SLC60A1: variants seen among roughly 807,000 people sequenced by gnomAD.
SLC60A1 encodes major facilitator superfamily domain containing 4.
the SLC60A1 span, chr1:205,586,258 G>A: frequency 3.8e-3 from 6,130 of 1,601,176 alleles, 187 homozygotes; most frequent in African/African-American, 0.068. Flanking sequence ...AGGAGAAGCC[G>A]CCTCCTCCTG....
At chr1:205,593,824 TTG>T in the SLC60A1 span, among the ~76,000 whole-genome samples, 1 of 152,230 alleles carries the variant, frequency 6.6e-6, no homozygotes, top group African/African-American at 2.4e-5. Flanking sequence ...CCTTCTGAGC[TTG>T]TGAGACCATT....
chr1:205,585,981 T>C, the SLC60A1 span: 4 of 1,513,810 alleles, frequency 2.6e-6, no homozygotes, highest in Non-Finnish European at 3.5e-6. The surrounding 1 kb of genome is among the most constrained non-coding windows in gnomAD (Gnocchi z 4.2). Flanking sequence ...TTTGTGAGGG[T>C]CATTGTCTGG....
the SLC60A1 span, chr1:205,569,049 G>T: frequency 3.6e-6 from 5 of 1,380,058 alleles, no homozygotes; most frequent in Non-Finnish European, 3.8e-6. Flanking sequence ...GACCAGATCC[G>T]CGAGCCCGTC....
At chr1:205,596,083 G>C in the SLC60A1 span, among the ~76,000 whole-genome samples, 1 of 152,200 alleles carries the variant, frequency 6.6e-6, no homozygotes, top group Admixed American at 6.5e-5. Flanking sequence ...AAGTGAGACT[G>C]AACGAGCTAG....
the SLC60A1 span, chr1:205,602,913 A>AACTT: frequency 6.6e-6 from 1 of 152,210 alleles, no homozygotes; most frequent in Non-Finnish European, 1.5e-5. Flanking sequence ...AAAATATTTA[A>AACTT]ACTTATTAAG....
the SLC60A1 span, among the ~76,000 whole-genome samples, chr1:205,573,507 C>A: frequency 1.3e-5 from 2 of 151,936 alleles, no homozygotes; most frequent in African/African-American, 4.8e-5. Flanking sequence ...CATGCTATAC[C>A]ATGGATGATC....
chr1:205,598,160 G>A, the SLC60A1 span: 1 of 291,222 alleles, frequency 3.4e-6, no homozygotes, highest in South Asian at 3.8e-5. Flanking sequence ...AGCCTGAGAT[G>A]GGTTGGAACT....
chr1:205,599,306 G>A, the SLC60A1 span: 9 of 1,603,600 alleles, frequency 5.6e-6, no homozygotes, highest in African/African-American at 6.7e-5. Flanking sequence ...CGGGGTCGGG[G>A]AGCGGGGGAG....
chr1:205,582,515 C>G, the SLC60A1 span, among the ~76,000 whole-genome samples: 1 of 152,190 alleles, frequency 6.6e-6, no homozygotes. Flanking sequence ...CCAGCAATGC[C>G]AGCCAATCCT....
At chr1:205,598,842 G>A in the SLC60A1 span, 7 of 437,614 alleles carry the variant, frequency 1.6e-5, no homozygotes, top group East Asian at 2.5e-4. Flanking sequence ...TATGACTGGA[G>A]CTTCAGTGAT....
chr1:205,577,588 G>A, the SLC60A1 span, among the ~76,000 whole-genome samples: 1 of 152,134 alleles, frequency 6.6e-6, no homozygotes, highest in Non-Finnish European at 1.5e-5. The surrounding 1 kb of genome is among the most constrained non-coding windows in gnomAD (Gnocchi z 5.2). Flanking sequence ...GCCATTCAAC[G>A]CTCTGCAGAA....
the SLC60A1 span, chr1:205,569,057 G>A: frequency 4.3e-6 from 6 of 1,383,632 alleles, no homozygotes; most frequent in Non-Finnish European, 2.8e-6. Flanking sequence ...CCGCGAGCCC[G>A]TCAGCCTGCG....
At chr1:205,592,265 G>A in the SLC60A1 span, 11 of 1,613,766 alleles carry the variant, frequency 6.8e-6, no homozygotes, top group East Asian at 8.9e-5. Flanking sequence ...TGGCCTACAC[G>A]GAGGACTCGC....
the SLC60A1 span, among the ~76,000 whole-genome samples, chr1:205,593,992 T>C: frequency 1.3e-5 from 2 of 152,190 alleles, no homozygotes; most frequent in African/African-American, 4.8e-5. Context: ...GCACACTTGG[T>C]ATAAATTCCA....
the SLC60A1 span, among the ~76,000 whole-genome samples, chr1:205,574,622 G>A: frequency 6.6e-6 from 1 of 152,146 alleles, no homozygotes; most frequent in Non-Finnish European, 1.5e-5. Flanking sequence ...AATCAAGCAG[G>A]GTAGCATGGA....
At chr1:205,575,220 T>C in the SLC60A1 span, among the ~76,000 whole-genome samples, 8 of 152,174 alleles carry the variant, frequency 5.3e-5, no homozygotes, top group African/African-American at 1.9e-4. Context: ...GACACTTCCA[T>C]CCGTGACTCT....
chr1:205,600,220 C>T, the SLC60A1 span: 1 of 558,814 alleles, frequency 1.8e-6, no homozygotes, highest in South Asian at 2.7e-5. Context: ...CCCTAGACAG[C>T]AGTCTCAGGA....
the SLC60A1 span, chr1:205,592,129 T>C: frequency 6.2e-7 from 1 of 1,613,904 alleles, no homozygotes. Flanking sequence ...CCTCCACCTC[T>C]GCCGCGACAG....
chr1:205,581,945 G>T, the SLC60A1 span, among the ~76,000 whole-genome samples: 1 of 152,326 alleles, frequency 6.6e-6, no homozygotes, highest in African/African-American at 2.4e-5. The surrounding 1 kb of genome is among the most constrained non-coding windows in gnomAD (Gnocchi z 4.2). Flanking sequence ...ACTGATAGGA[G>T]GCTGAGCCCG....
Sources: allele counts gnomAD v4.1 joint callset (sites outside exome capture counted in the v4.1 genomes callset), GRCh38; gene constraint gnomAD v4.1.1; non-coding constraint Gnocchi (gnomAD v3.1); transcripts MANE v1.5; gene names NCBI Gene and HGNC (gene_info 2026-07-23, HGNC 2026-07-21).